CMSS1: variants seen among roughly 807,000 people sequenced by gnomAD.
CMSS1 encodes the protein protein CMSS1.
A neutral mutation model predicts 43.5 loss-of-function variants in CMSS1; 33 were observed. The observed-to-expected ratio is 0.76, with a 90% CI of 0.57 to 1.01. The LOEUF (loss-of-function observed/expected upper bound fraction) is 1.01. Among genes scored for constraint, CMSS1 ranks in the 50% least tolerant of loss-of-function variants. The pLI is 0.00. For synonymous variants in CMSS1, 115 were observed against 117.2 expected (o/e 0.98, Z 0.12); for missense variants, 313 against 326.4 (o/e 0.96, Z 0.32).
rs142229237 is a variant in CMSS1 at position 100,073,271 on chromosome 3, C to T, written c.65-73702C>T. ...TATTTATATATTATCTGACTATTTTCATCCTACAACAGAAAAGTTGAGTTC... is the reference window on the plus strand; with the variant it reads ...TATTTATATATTATCTGACTATTTTTATCCTACAACAGAAAAGTTGAGTTC... On this transcript the variant is annotated intron_variant, in intron 1 of 9. Coordinates refer to ENST00000421999, the MANE Select transcript of CMSS1 (RefSeq NM_032359.4). Among the ~76,000 whole-genome samples the T allele has an allele frequency of 4.4e-3, 675 of 152,260 alleles. 7 individuals carry two copies. Among genetic ancestry groups the T allele is most frequent in the African/African-American group, 0.016 (661 of 41,544 alleles).
intron 1 of CMSS1, among the ~76,000 whole-genome samples, chr3:99,927,654 C>T (rs1435871496): frequency 6.6e-6 from 1 of 152,186 alleles, no homozygotes; most frequent in African/African-American, 2.4e-5. Context: ...CAGGCATGAG[C>T]CACTGCGCCC....
At chr3:99,985,422 G>A (rs1184620719) in intron 1 of CMSS1, among the ~76,000 whole-genome samples, 2 of 151,986 alleles carry the variant, frequency 1.3e-5, no homozygotes, top group Non-Finnish European at 2.9e-5. Context: ...GTACTGGGGA[G>A]GTTGAGGTGG....
chr3:100,014,946 A>G (rs1477618492), intron 1 of CMSS1, among the ~76,000 whole-genome samples: 3 of 86,306 alleles, frequency 3.5e-5, no homozygotes, highest in Admixed American at 3.6e-4. Context: ...TTTGGGGATC[A>G]TATCCAAAAA....
rs116702169 is a variant in CMSS1, at chr3:99,894,486, A to G, written c.64+76443A>G. 4.7e-3 allele frequency among the ~76,000 whole-genome samples: 710 copies of G among 152,322 alleles called. 8 individuals are homozygous for G. Among genetic ancestry groups the G allele is most frequent in the African/African-American group, 0.017 (697 of 41,564 alleles). On this transcript the variant is annotated intron_variant, in intron 1 of 9. Transcript: ENST00000421999. ...TTTGGGTTGGTTTTTTGATACTTCTAAAGTCTGTGTTGCTTATTATTTCTT... is the reference window on the plus strand; with the variant it reads ...TTTGGGTTGGTTTTTTGATACTTCTGAAGTCTGTGTTGCTTATTATTTCTT...
At chr3:100,020,643 C>G (rs546226327) in intron 1 of CMSS1, among the ~76,000 whole-genome samples, 2 of 150,840 alleles carry the variant, frequency 1.3e-5, no homozygotes, top group African/African-American at 4.9e-5. Flanking sequence ...TTAAAATAGT[C>G]TTAAAGTTCT....
chr3:100,137,599 G>A (rs1053136729), intron 1 of CMSS1, among the ~76,000 whole-genome samples: 4 of 142,406 alleles, frequency 2.8e-5, no homozygotes, highest in Non-Finnish European at 6.0e-5. Flanking sequence ...GTCTCGCTTT[G>A]TCGCCCAGGC....
chr3:99,983,391 T>TAC (rs1249848576), intron 1 of CMSS1, among the ~76,000 whole-genome samples: 2 of 16,090 alleles, frequency 1.2e-4, no homozygotes, highest in African/African-American at 2.0e-4. Flanking sequence ...AATAAATAAA[T>TAC]ATATATATAT....
chr3:99,929,981 C>A, intron 1 of CMSS1: 1 of 1,613,976 alleles, frequency 6.2e-7, no homozygotes, highest in Non-Finnish European at 8.5e-7. Context: ...TCCAGCAAAG[C>A]CAGGTCCATT....
chr3:100,102,197 C>G (rs1011080180), intron 1 of CMSS1, among the ~76,000 whole-genome samples: 1 of 152,170 alleles, frequency 6.6e-6, no homozygotes. Flanking sequence ...AATCACCACA[C>G]CGACTTCCAC....
rs559492869 is a variant in CMSS1 at position 99,929,435 on chromosome 3, C to G, written c.64+111392C>G. 2.0e-5 allele frequency among the ~76,000 whole-genome samples: 3 copies of G among 152,220 alleles called. No individual in the cohort carries two copies. The East Asian group carries it at 5.8e-4, about 29-fold the overall frequency. On this transcript the variant is annotated intron_variant, in intron 1 of 9. Coordinates refer to ENST00000421999, the MANE Select transcript of CMSS1 (RefSeq NM_032359.4). ...TCAAAATTTCTATGACATAATACCTCAGTGTTTTCCAAAAATTAACCTCTA... is the reference window on the plus strand; with the variant it reads ...TCAAAATTTCTATGACATAATACCTGAGTGTTTTCCAAAAATTAACCTCTA...
At chr3:99,918,176 C>G (rs1292940644) in intron 1 of CMSS1, among the ~76,000 whole-genome samples, 1 of 152,018 alleles carries the variant, frequency 6.6e-6, no homozygotes, top group African/African-American at 2.4e-5. Context: ...CAGGGTTTCA[C>G]CATTTTGGCC....
At chr3:100,121,271 G>A (rs2066617252) in intron 1 of CMSS1, among the ~76,000 whole-genome samples, 1 of 139,076 alleles carries the variant, frequency 7.2e-6, no homozygotes, top group African/African-American at 2.8e-5. Context: ...GGCCCGATGT[G>A]TGATGTTCCC....
intron 1 of CMSS1, among the ~76,000 whole-genome samples, chr3:99,841,274 C>T (rs1943118197): frequency 6.6e-6 from 1 of 152,128 alleles, no homozygotes; most frequent in Admixed American, 6.5e-5. Flanking sequence ...TACATTGTAC[C>T]TTTGTTTCTT....
chr3:100,150,023 C>T (rs1300119180), intron 2 of CMSS1, among the ~76,000 whole-genome samples: 2 of 152,106 alleles, frequency 1.3e-5, no homozygotes, highest in Admixed American at 6.5e-5. Flanking sequence ...TCTGTCCTCT[C>T]CATCCCTGCC....
At chr3:100,136,294 C>A (rs1021752912) in intron 1 of CMSS1, among the ~76,000 whole-genome samples, 6 of 151,734 alleles carry the variant, frequency 4.0e-5, no homozygotes, top group Admixed American at 2.0e-4. Flanking sequence ...GAAAAAAAAA[C>A]AAATAAAACT....
chr3:100,178,288 C>G lies in CMSS1; in HGVS notation c.757-17C>G. On this transcript the variant is annotated splice_polypyrimidine_tract_variant and intron_variant, in intron 9 of 9. Transcript: ENST00000421999. ...GCTTGATCTTAATCTTTTTTTCCCC[C>G]CTTTTCTCTCATTTAGATAAGAAAG... is the stretch of plus-strand genomic sequence containing the variant. The G allele has an allele frequency of 6.4e-7, 1 of 1,550,732 alleles. No homozygotes were observed. Among genetic ancestry groups the G allele is most frequent in the Non-Finnish European group, 8.9e-7 (1 of 1,124,200 alleles).
At chr3:99,820,094 G>A (rs1310772935) in intron 1 of CMSS1, among the ~76,000 whole-genome samples, 1 of 151,950 alleles carries the variant, frequency 6.6e-6, no homozygotes, top group African/African-American at 2.4e-5. Flanking sequence ...ACTTTAAATC[G>A]CTACAGCCTC....
intron 1 of CMSS1, among the ~76,000 whole-genome samples, chr3:99,920,905 A>G (rs966716729): frequency 2.0e-5 from 3 of 152,212 alleles, no homozygotes; most frequent in African/African-American, 7.2e-5. Context: ...TTCCAGGTAG[A>G]TACAAACCAA....
chr3:99,927,665 G>A (rs757246887), intron 1 of CMSS1, among the ~76,000 whole-genome samples: 18 of 152,082 alleles, frequency 1.2e-4, no homozygotes, highest in East Asian at 3.9e-4. Flanking sequence ...CACTGCGCCC[G>A]GCCCATATTT....
Sources: allele counts gnomAD v4.1 joint callset (sites outside exome capture counted in the v4.1 genomes callset), GRCh38; gene constraint gnomAD v4.1.1; transcripts MANE v1.5; gene names NCBI Gene and HGNC (gene_info 2026-07-23, HGNC 2026-07-21).